The following RDH13 variants were observed in gnomAD, a reference collection of about 807,000 sequenced individuals.
RDH13 encodes the protein retinol dehydrogenase 13 (all-trans and 9-cis).
A neutral mutation model predicts 28.3 loss-of-function variants in RDH13; 35 were observed. The ratio of observed to expected loss-of-function variants is 1.24; its 90% CI spans 0.95 to 1.64. RDH13 has a LOEUF of 1.64. RDH13 is among the 40% of genes most tolerant of loss of function. The pLI is 0.00. For synonymous variants in RDH13, 229 were observed against 198.5 expected, an observed-to-expected ratio of 1.15 and a Z score of -1.29; for missense variants, 514 against 446.3, an observed-to-expected ratio of 1.15 and a Z score of -1.37.
At chr19:55,048,857 G>A in intron 3 of RDH13, 94 bp from the exon 4 acceptor site, 2 of 1,115,548 alleles carry the variant, frequency 1.8e-6, no homozygotes, top group African/African-American at 1.5e-5. Flanking sequence ...CACAACCTGT[G>A]AATGTGGCCT....
intron 3 of RDH13, among the ~76,000 whole-genome samples, chr19:55,052,073 T>C (rs2075460665): frequency 9.0e-5 from 3 of 33,166 alleles, no homozygotes; most frequent in African/African-American, 2.5e-4. Context: ...CTTTTTTTTT[T>C]TTTTTTTTTT....
chr19:55,064,850 T>C (rs2075927043), upstream of RDH13, among the ~76,000 whole-genome samples: 1 of 149,724 alleles, frequency 6.7e-6, no homozygotes, highest in Non-Finnish European at 1.5e-5. Context: ...TGACCTCAGG[T>C]GATCCACCTG....
intron 1 of RDH13, among the ~76,000 whole-genome samples, chr19:55,059,813 G>C (rs1159592712): frequency 6.6e-6 from 1 of 152,194 alleles, no homozygotes; most frequent in African/African-American, 2.4e-5. Context: ...TTAATTTGTA[G>C]CTTTGACCCA....
At chr19:55,063,327 C>A (rs182188017), upstream of RDH13, 317 of 366,942 alleles carry the variant, frequency 8.6e-4, 1 homozygote, top group African/African-American at 6.5e-3. Context: ...ATGGTTTGTT[C>A]GAATGACGTC....
chr19:55,039,550 A>G (rs1248829901), downstream of RDH13: 4 of 151,930 alleles, frequency 2.6e-5, no homozygotes, highest in Non-Finnish European at 4.4e-5. Flanking sequence ...TGTCTCAAAA[A>G]TAAAAATAAG....
In RDH13 at chr19:55,048,755, G is replaced by C; in HGVS notation, c.349C>G (p.Arg117Gly). The change falls in exon 4 of 7, where the codon CGA (arginine) becomes GGA (glycine). Residue 117 changes from arginine (R) to glycine (G), a missense_variant. Physicochemically the swap from Arg to Gly is moderately radical, Grantham distance 125. Coordinates refer to ENST00000415061, the MANE Select transcript of RDH13 (RefSeq NM_001145971.2). ...GCGTTGTTGATTAGAATGTCCACTC[G>C]CTCCTCCTCTGGAAGAGAGGGGTGG... The part of the protein sequence containing the change: ...FAAKIIEEEE[R>G]VDILINNAGV... 6.2e-7 allele frequency: 1 copy of C among 1,613,806 alleles called. No homozygotes were observed.
intron 6 of RDH13, among the ~76,000 whole-genome samples, chr19:55,046,007 G>A (rs1349226033): frequency 6.6e-6 from 1 of 150,406 alleles, no homozygotes. Flanking sequence ...CAGCACTTTG[G>A]GAGGCTGAGG....
chr19:55,052,542 TA>T (rs35692980), intron 3 of RDH13, among the ~76,000 whole-genome samples: 24,548 of 132,308 alleles, frequency 0.19, 2,632 homozygotes, highest in African/African-American at 0.33. Context: ...AACTCCGTCT[TA>T]AAAAAAAAAA....
At chr19:55,047,245 G>A in intron 6 of RDH13, 142 bp downstream of exon 6, 15 of 1,446,370 alleles carry the variant, frequency 1.0e-5, no homozygotes, top group Non-Finnish European at 1.4e-5. Flanking sequence ...AAAGGGACCT[G>A]TGCTCTGTGC....
At position 55,045,158 on chromosome 19, in the gene RDH13, C is replaced by T. The variant is rs2075169938; in HGVS notation, c.912G>A (p.Glu304=). 1.2e-6 allele frequency: 2 copies of T among 1,613,744 alleles called. No homozygotes were observed. The highest frequency in any genetic ancestry group is 2.2e-5 in the East Asian group (1 of 44,878). The change falls in exon 7 of 7, where the codon GAG becomes GAA. Residue 304 remains glutamate (E), a synonymous_variant. Coordinates refer to ENST00000415061, the MANE Select transcript of RDH13 (RefSeq NM_001145971.2). ...TTTCAGCCCAAAGCCTCCGGGCCAC[C>T]TCCTCATCCTCAGCCTCGGGGGCCG... The part of the protein sequence containing the change: ...KAPAPEAEDE[E]VARRLWAESA...
Position 55,055,802 on chromosome 19 carries a change from A to G in RDH13, c.340+851T>C, listed in dbSNP as rs547855738. Among the ~76,000 whole-genome samples the G allele has an allele frequency of 2.6e-5, 4 of 150,944 alleles. No homozygotes were observed. The South Asian group carries it at 6.2e-4, about 23-fold the overall frequency. The stretch of plus-strand genomic sequence containing the variant: ...CAGCAGGTTGAGACTGCAGTGAGCC[A>G]TGACTGCACCACTGCACTCTAGCCT... On this transcript the variant is annotated intron_variant, in intron 3 of 6. Transcript: ENST00000415061.
At chr19:55,047,289 CCTCAGGGACGGTCT>C (rs1263590925) in intron 6 of RDH13, 84 bp downstream of exon 6, 2 of 1,514,958 alleles carry the variant, frequency 1.3e-6, no homozygotes, top group African/African-American at 2.7e-5. Context: ...AGGCATGAGG[CCTCAGGGACGGTCT>C]CTGAGGGAGG....
chr19:55,055,784 T>C (rs777492596), intron 3 of RDH13, among the ~76,000 whole-genome samples: 1 of 151,798 alleles, frequency 6.6e-6, no homozygotes, highest in Non-Finnish European at 1.5e-5. Flanking sequence ...GCCCAGCAGG[T>C]TGAGACTGCA....
upstream of RDH13, among the ~76,000 whole-genome samples, chr19:55,066,550 T>C (rs373555366): frequency 1.6e-4 from 10 of 62,358 alleles, no homozygotes; most frequent in African/African-American, 6.7e-4. Flanking sequence ...TTCCTCTCTC[T>C]TCCTCTCTCC....
chr19:55,043,782 C>T (rs1031676590), downstream of RDH13, among the ~76,000 whole-genome samples: 7 of 152,176 alleles, frequency 4.6e-5, no homozygotes, highest in Admixed American at 2.0e-4. Context: ...TTCGGTTCTG[C>T]ACCTAAGCTA....
At chr19:55,057,403 G>A (rs1356088104) in intron 2 of RDH13, among the ~76,000 whole-genome samples, 1 of 150,744 alleles carries the variant, frequency 6.6e-6, no homozygotes, top group Non-Finnish European at 1.5e-5. Flanking sequence ...AGCACTTTGG[G>A]AGGCCAAGGC....
At chr19:55,062,880 G>A in intron 1 of RDH13, 88 bp downstream of exon 1, 2 of 1,167,648 alleles carry the variant, frequency 1.7e-6, no homozygotes, top group African/African-American at 3.2e-5. Context: ...CTGGACCCGG[G>A]TGCGAGGGGC....
At chr19:55,047,317 C>G in intron 6 of RDH13, 70 bp downstream of exon 6, 1 of 1,564,482 alleles carries the variant, frequency 6.4e-7, no homozygotes, top group Non-Finnish European at 8.6e-7. Flanking sequence ...AGGGAGGGTC[C>G]TGGGCCCTGG....
chr19:55,045,804 G>C (rs544794194), intron 6 of RDH13, among the ~76,000 whole-genome samples: 1 of 151,790 alleles, frequency 6.6e-6, no homozygotes, highest in South Asian at 2.1e-4. Flanking sequence ...AAATTAACTG[G>C]GTGTGGTGGC....
Sources: allele counts gnomAD v4.1 joint callset (sites outside exome capture counted in the v4.1 genomes callset), GRCh38; gene constraint gnomAD v4.1.1; transcripts MANE v1.5; gene names NCBI Gene and HGNC (gene_info 2026-07-23, HGNC 2026-07-21).